ARID1B: variants seen among roughly 807,000 people sequenced by gnomAD.
ARID1B encodes the protein AT-rich interaction domain 1B, also known as AT-rich interactive domain-containing protein 1B.
A neutral mutation model predicts 212.3 loss-of-function variants in ARID1B; 30 were observed. The observed-to-expected ratio is 0.14, with a 90% CI of 0.11 to 0.19. The LOEUF is 0.19. Ranked by LOEUF, ARID1B falls within the 10% of genes least tolerant of loss-of-function variation. ARID1B has a pLI of 1.00. For missense variants in ARID1B, 2,891 were observed against 3,204.0 expected (o/e 0.90, Z 2.36); for synonymous variants, 1,402 against 1,301.7 (o/e 1.08, Z -1.66).
intron 5 of ARID1B, among the ~76,000 whole-genome samples, chr6:157,103,644 A>G (rs1408843843): frequency 2.0e-5 from 3 of 152,134 alleles, no homozygotes; most frequent in Non-Finnish European, 4.4e-5. Flanking sequence ...TTGAATATTT[A>G]ATTTGGTACT....
chr6:156,983,598 A>G (rs907099096), intron 4 of ARID1B, among the ~76,000 whole-genome samples: 8 of 152,022 alleles, frequency 5.3e-5, no homozygotes, highest in African/African-American at 1.7e-4. Flanking sequence ...CTTGGAGGAC[A>G]TGGTGGGTGA....
At chr6:157,063,817 G>A (rs1330982087) in intron 4 of ARID1B, among the ~76,000 whole-genome samples, 1 of 152,176 alleles carries the variant, frequency 6.6e-6, no homozygotes, top group Non-Finnish European at 1.5e-5. Flanking sequence ...CATTCCTTTA[G>A]CAAATGTCTT....
rs529047911 is a variant in ARID1B, at chr6:157,142,543, T to C, written c.2762-6081T>C. Reference sequence around the variant, plus strand: ...TAGGAGGCTCAAGTGGGAGGATCGCTTAAACTCAGGAGGCAGAGGTTGCAG... The same window carrying C: ...TAGGAGGCTCAAGTGGGAGGATCGCCTAAACTCAGGAGGCAGAGGTTGCAG... On this transcript the variant is annotated intron_variant, in intron 7 of 19. Coordinates refer to ENST00000636930, the MANE Select transcript of ARID1B (RefSeq NM_001374828.1). 4.6e-5 allele frequency among the ~76,000 whole-genome samples: 7 copies of C among 152,176 alleles called. No individual in the cohort carries two copies. In the East Asian group the frequency reaches 1.4e-3, roughly 29 times the overall value.
At chr6:157,054,054 G>A (rs558501960) in intron 4 of ARID1B, among the ~76,000 whole-genome samples, 32 of 152,224 alleles carry the variant, frequency 2.1e-4, no homozygotes, top group African/African-American at 7.5e-4. Context: ...GAGAAACCCC[G>A]TCTCTACTAA....
At chr6:156,830,585 G>A (rs1783078761) in intron 2 of ARID1B, among the ~76,000 whole-genome samples, 1 of 151,810 alleles carries the variant, frequency 6.6e-6, no homozygotes, top group Non-Finnish European at 1.5e-5. Flanking sequence ...CATTATTATT[G>A]TTATTAATTT....
At chr6:157,105,506 A>C (rs909300733) in intron 5 of ARID1B, among the ~76,000 whole-genome samples, 3 of 152,226 alleles carry the variant, frequency 2.0e-5, no homozygotes, top group Non-Finnish European at 4.4e-5. Context: ...TAGGAGAAAG[A>C]CTTGAACAAA....
chr6:156,942,800 C>CA (rs1792778400), intron 4 of ARID1B: 1 of 152,502 alleles, frequency 6.6e-6, no homozygotes, highest in African/African-American at 2.4e-5. Context: ...CCAGCTCCTG[C>CA]AGGCAATGGC....
chr6:157,027,340 A>AATACT (rs1315743334), intron 4 of ARID1B, among the ~76,000 whole-genome samples: 1 of 152,260 alleles, frequency 6.6e-6, no homozygotes, highest in African/African-American at 2.4e-5. Context: ...TAATCAAAAT[A>AATACT]ATACTATACT....
At chr6:156,987,927 A>G (rs1018184735) in intron 4 of ARID1B, among the ~76,000 whole-genome samples, 1 of 152,212 alleles carries the variant, frequency 6.6e-6, no homozygotes, top group Non-Finnish European at 1.5e-5. Context: ...CATATGAAAT[A>G]CAATGCAAGT....
intron 4 of ARID1B, among the ~76,000 whole-genome samples, chr6:157,070,001 A>G (rs561540501): frequency 6.6e-6 from 1 of 152,322 alleles, no homozygotes; most frequent in South Asian, 2.1e-4. Context: ...TTGATATCAT[A>G]TCTGTTTTTG....
chr6:156,947,470 G>A (rs1049249038), intron 4 of ARID1B, among the ~76,000 whole-genome samples: 1 of 151,816 alleles, frequency 6.6e-6, no homozygotes, highest in African/African-American at 2.4e-5. Context: ...AGTATGGGGC[G>A]ATGGTGCAGG....
At position 157,206,621 on chromosome 6, in the gene ARID1B, C is replaced by T; in HGVS notation, c.5849C>T (p.Thr1950Ile). Residue 1950 changes from threonine (T) to isoleucine (I), a missense_variant, in exon 20 of 20, where the codon ACC becomes ATC. Around this residue, in one of 7 missense-constraint regions of ARID1B, gnomAD observed 332 missense variants for 369.2 expected, o/e 0.90. Coordinates refer to ENST00000636930, the MANE Select transcript of ARID1B (RefSeq NM_001374828.1). This position sits in a 1 kb window ranked among gnomAD's most constrained non-coding sequence, Gnocchi z 6.8. ...LHWQLGGGDTTEHIQTHFESK... is the reference protein window; with the variant it reads ...LHWQLGGGDTIEHIQTHFESK... ...TGGCAGCTCGGCGGGGGTGACACCA[C>T]CGAGCACATTCAGACTCACTTTGAG... 1 of 1,614,004 alleles carries T rather than the reference C, an allele frequency of 6.2e-7. No individual in the cohort carries two copies. The highest frequency in any genetic ancestry group is 1.3e-5 in the African/African-American group (1 of 75,006).
At chr6:156,902,011 A>C (rs1788984444) in intron 3 of ARID1B, 2 of 159,226 alleles carry the variant, frequency 1.3e-5, no homozygotes, top group Admixed American at 5.9e-5. Context: ...GCTTATAAGT[A>C]GATATTCACT....
intron 2 of ARID1B, among the ~76,000 whole-genome samples, chr6:156,864,634 G>C (rs1329656190): frequency 6.6e-6 from 1 of 152,170 alleles, no homozygotes; most frequent in African/African-American, 2.4e-5. Flanking sequence ...CCTTGTAGCT[G>C]CTCTTTGAGG....
chr6:157,093,191 G>A (rs993099226), intron 5 of ARID1B, among the ~76,000 whole-genome samples: 2 of 152,198 alleles, frequency 1.3e-5, no homozygotes, highest in African/African-American at 4.8e-5. Flanking sequence ...TTTGGAAAAT[G>A]GTGGGTAAAT....
At chr6:156,821,433 A>G (rs982516555) in intron 1 of ARID1B, among the ~76,000 whole-genome samples, 1 of 152,268 alleles carries the variant, frequency 6.6e-6, no homozygotes, top group Non-Finnish European at 1.5e-5. Context: ...GCGATCTTCA[A>G]ATATTCTGCC....
chr6:157,015,578 G>A (rs571755595), intron 4 of ARID1B, among the ~76,000 whole-genome samples: 1 of 152,296 alleles, frequency 6.6e-6, no homozygotes, highest in African/African-American at 2.4e-5. Flanking sequence ...CCATGAGGAA[G>A]ATAATACTTT....
chr6:157,203,832 C>T lies in ARID1B; in HGVS notation c.5264-34C>T, dbSNP rs2128385088. 2 of 1,612,500 alleles carry T rather than the reference C, an allele frequency of 1.2e-6. No homozygotes were observed. Among genetic ancestry groups the T allele is most frequent in the South Asian group, 1.1e-5 (1 of 90,992 alleles). On this transcript the variant is annotated intron_variant, in intron 18 of 19. Coordinates refer to ENST00000636930, the MANE Select transcript of ARID1B (RefSeq NM_001374828.1). This position sits in a 1 kb window ranked among gnomAD's most constrained non-coding sequence, Gnocchi z 4.4. ...TTCGTTCTTTCATGCATAGAGTCAA[C>T]ATTCATGATATCCTTGTTCTTCCCC...
intron 2 of ARID1B, among the ~76,000 whole-genome samples, chr6:156,890,957 G>A (rs568659705): frequency 1.3e-5 from 2 of 152,254 alleles, no homozygotes; most frequent in African/African-American, 4.8e-5. Context: ...CTTAAAATAA[G>A]AAAGAGGGGA....
Sources: gnomAD v4.1 joint callset for allele counts (sites outside exome capture counted in the v4.1 genomes callset) on GRCh38, gnomAD v4.1.1 for gene constraint, gnomAD v4.1.1 regional missense constraint, Gnocchi (gnomAD v3.1) non-coding constraint, MANE v1.5 for transcripts, NCBI Gene and HGNC (gene_info 2026-07-23, HGNC 2026-07-21) for gene names.